The following CDYL variants were observed in gnomAD, a reference collection of about 807,000 sequenced individuals.
CDYL encodes the protein chromodomain Y-like protein.
In CDYL, 8 loss-of-function variants were observed where a neutral mutation model predicts 47.3. That is an observed-to-expected ratio of 0.17 (90% CI 0.10 to 0.31). The LOEUF (loss-of-function observed/expected upper bound fraction) is 0.31. Ranked by LOEUF, CDYL falls within the 10% of genes least tolerant of loss-of-function variation. The pLI is 1.00. For missense variants in CDYL, 471 were observed against 701.4 expected, an observed-to-expected ratio of 0.67 and a Z score of 3.71; for synonymous variants, 266 against 265.0, an observed-to-expected ratio of 1.00 and a Z score of -0.04.
chr6:4,814,499 A>C (rs757854044), intron 1 of CDYL, among the ~76,000 whole-genome samples: 2 of 152,110 alleles, frequency 1.3e-5, no homozygotes, highest in Non-Finnish European at 2.9e-5. Flanking sequence ...AGAAAAGTAG[A>C]GTTTACAGAC....
At chr6:4,838,131 CTT>C (rs2127457487) in intron 1 of CDYL, among the ~76,000 whole-genome samples, 1 of 152,228 alleles carries the variant, frequency 6.6e-6, no homozygotes, top group South Asian at 2.1e-4. Flanking sequence ...CCTTGTGACT[CTT>C]TAAAAGTTTT....
chr6:4,712,962 C>A (rs531102582), intron 1 of CDYL, among the ~76,000 whole-genome samples: 1 of 152,098 alleles, frequency 6.6e-6, no homozygotes, highest in Non-Finnish European at 1.5e-5. Flanking sequence ...CTTGCCAACA[C>A]GGCAAGACCC....
upstream of CDYL, among the ~76,000 whole-genome samples, chr6:4,775,566 G>C (rs1342242381): frequency 2.0e-5 from 3 of 152,142 alleles, no homozygotes; most frequent in Non-Finnish European, 2.9e-5. The surrounding 1 kb of genome is among the most constrained non-coding windows in gnomAD (Gnocchi z 7.0). Flanking sequence ...CGGACGCTCC[G>C]AGAGGAACCC....
At chr6:4,862,191 C>T (rs749283990) in intron 1 of CDYL, among the ~76,000 whole-genome samples, 9 of 152,318 alleles carry the variant, frequency 5.9e-5, no homozygotes, top group African/African-American at 1.2e-4. Context: ...TAACAAGTCA[C>T]CTCCTTCCCT....
chr6:4,760,289 G>C (rs1758154815), intron 3 of CDYL, among the ~76,000 whole-genome samples: 1 of 149,624 alleles, frequency 6.7e-6, no homozygotes, highest in Non-Finnish European at 1.5e-5. Flanking sequence ...AAGCACTGTT[G>C]TTTAAGACAC....
At chr6:4,923,545 C>T (rs1034945648) in intron 2 of CDYL, among the ~76,000 whole-genome samples, 2 of 152,084 alleles carry the variant, frequency 1.3e-5, no homozygotes, top group Non-Finnish European at 2.9e-5. Flanking sequence ...GTGCAGATGC[C>T]TCTTTGACGT....
chr6:4,893,021 G>A (rs1183845367), intron 2 of CDYL, among the ~76,000 whole-genome samples: 10 of 152,220 alleles, frequency 6.6e-5, no homozygotes, highest in Admixed American at 6.5e-4. Flanking sequence ...CATCTCCCAG[G>A]ACAGCACAAC....
intron 1 of CDYL, among the ~76,000 whole-genome samples, chr6:4,876,265 C>T (rs987163454): frequency 6.6e-6 from 1 of 152,156 alleles, no homozygotes; most frequent in African/African-American, 2.4e-5. Flanking sequence ...TGTGCTGTTT[C>T]TAGTTTGGAG....
chr6:4,797,528 C>T (rs1206952094), intron 1 of CDYL, among the ~76,000 whole-genome samples: 7 of 151,898 alleles, frequency 4.6e-5, no homozygotes, highest in East Asian at 1.9e-4. Flanking sequence ...GTACAGCCGC[C>T]GCCACCACTA....
intron 1 of CDYL, among the ~76,000 whole-genome samples, chr6:4,807,358 C>T (rs1466880964): frequency 1.3e-5 from 2 of 152,148 alleles, no homozygotes; most frequent in African/African-American, 2.4e-5. Context: ...AAAGTAACTA[C>T]TTTTCACTTT....
chr6:4,787,699 G>A (rs1327701805), intron 1 of CDYL, among the ~76,000 whole-genome samples: 1 of 151,560 alleles, frequency 6.6e-6, no homozygotes, highest in Non-Finnish European at 1.5e-5. Flanking sequence ...CAGAAAGGCA[G>A]CTGGGAGAGA....
chr6:4,911,449 C>T (rs894850790), intron 2 of CDYL, among the ~76,000 whole-genome samples: 8 of 152,176 alleles, frequency 5.3e-5, no homozygotes, highest in African/African-American at 1.7e-4. Context: ...CAGTTTTGCC[C>T]TAGGTCATTA....
At chr6:4,902,663 T>C (rs1757105126) in intron 2 of CDYL, among the ~76,000 whole-genome samples, 1 of 152,188 alleles carries the variant, frequency 6.6e-6, no homozygotes, top group Non-Finnish European at 1.5e-5. Flanking sequence ...CTTTTTAATT[T>C]GATATCTCAC....
intron 1 of CDYL, among the ~76,000 whole-genome samples, chr6:4,889,512 C>T (rs565464132): frequency 1.1e-4 from 17 of 152,030 alleles, no homozygotes; most frequent in East Asian, 1.9e-4. Context: ...CGTGAGCCAC[C>T]GTGCCCGGCC....
chr6:4,763,539 G>C (rs77739649), intron 3 of CDYL, among the ~76,000 whole-genome samples: 5,791 of 152,190 alleles, frequency 0.038, 276 homozygotes, highest in South Asian at 0.11. Flanking sequence ...AAAAGTATTG[G>C]TATTACATTT....
At chr6:4,933,964 A>G (rs1467158376) in intron 2 of CDYL, among the ~76,000 whole-genome samples, 1 of 152,232 alleles carries the variant, frequency 6.6e-6, no homozygotes, top group Non-Finnish European at 1.5e-5. Flanking sequence ...ACAGGAAGCT[A>G]TGTTCTGATA....
chr6:4,725,306 G>A (rs949230039), intron 2 of CDYL, among the ~76,000 whole-genome samples: 9 of 152,280 alleles, frequency 5.9e-5, no homozygotes, highest in Non-Finnish European at 1.3e-4. Context: ...GGAGCTGCCT[G>A]CCAGTCCTGC....
chr6:4,772,126 C>T (rs1758346337), upstream of CDYL, among the ~76,000 whole-genome samples: 1 of 152,138 alleles, frequency 6.6e-6, no homozygotes, highest in Non-Finnish European at 1.5e-5. Flanking sequence ...GCAAATGATC[C>T]TTAATTGTAG....
rs187293207 is a variant in CDYL at position 4,857,383 on chromosome 6, A to G, written c.25-34330A>G. On this transcript the variant is annotated intron_variant, in intron 1 of 6. Coordinates refer to ENST00000397588, the MANE Select transcript of CDYL (RefSeq NM_004824.4). ...TTTATATACACGAGAGTAAACATCGAATTTAAGGGTAGTTGCAAATGTTGC... is the reference window on the plus strand; with the variant it reads ...TTTATATACACGAGAGTAAACATCGGATTTAAGGGTAGTTGCAAATGTTGC... Among the ~76,000 whole-genome samples the G allele has an allele frequency of 3.4e-4, 52 of 152,342 alleles. 1 individual carries two copies. Among genetic ancestry groups the G allele is most frequent in the Admixed American group, 3.1e-3 (47 of 15,308 alleles).
Sources: gnomAD v4.1 joint callset for allele counts (sites outside exome capture counted in the v4.1 genomes callset) on GRCh38, gnomAD v4.1.1 for gene constraint, Gnocchi (gnomAD v3.1) non-coding constraint, MANE v1.5 for transcripts, NCBI Gene and HGNC (gene_info 2026-07-23, HGNC 2026-07-21) for gene names.